The following SAMD12 variants were observed in gnomAD, a reference collection of about 807,000 sequenced individuals.
SAMD12 encodes sterile alpha motif domain-containing protein 12.
Under a neutral mutation model 15.0 loss-of-function variants are expected in SAMD12, and 9 were observed. The ratio of observed to expected loss-of-function variants is 0.60; its 90% CI spans 0.36 to 1.05. The LOEUF is 1.05. Ranked by LOEUF, SAMD12 falls within the 50% of genes least tolerant of loss-of-function variation. The pLI, the probability that SAMD12 is intolerant of heterozygous loss-of-function variation, is 0.01. For missense variants in SAMD12, 230 were observed against 234.2 expected (o/e 0.98, Z 0.12); for synonymous variants, 86 against 90.1 (o/e 0.96, Z 0.25).
chr8:118,580,754 T>C lies in SAMD12; in HGVS notation c.153A>G (p.Gly51=). ...CTTCTGCCTGCAGTCGCTTGGGAGT[T>C]CCTTTCTGGTCAGGCACCTTCTGGA... The part of the protein sequence containing the change: ...KNFQKVPDQK[G]TPKRLQAEAE... The change falls in exon 2 of 4, where the codon GGA becomes GGG. Residue 51 remains glycine, a synonymous_variant. Transcript: ENST00000314727. The C allele has an allele frequency of 6.2e-7, 1 of 1,613,348 alleles. No homozygotes were observed. The highest frequency in any genetic ancestry group is 1.7e-5 in the Admixed American group (1 of 59,960).
chr8:118,522,832 T>G (rs1301818428), intron 2 of SAMD12, among the ~76,000 whole-genome samples: 1 of 152,088 alleles, frequency 6.6e-6, no homozygotes, highest in African/African-American at 2.4e-5. Flanking sequence ...CATAAACAAA[T>G]AGCCATAAGA....
Position 118,295,964 on chromosome 8 carries a change from G to T in SAMD12, c.433+83596C>A, listed in dbSNP as rs192494580. 3.9e-5 allele frequency among the ~76,000 whole-genome samples: 6 copies of T among 152,242 alleles called. No individual in the cohort carries two copies. The East Asian group carries it at 1.2e-3, about 29-fold the overall frequency. On this transcript the variant is annotated intron_variant, in intron 4 of 4. Transcript: ENST00000409003. ...TGGTCAATTGAGCATTTTCTAAGCA[G>T]TTCACACTGGGATGGGAAGTAAGGC...
chr8:118,591,415 C>T (rs1269118145), intron 1 of SAMD12, among the ~76,000 whole-genome samples: 2 of 152,098 alleles, frequency 1.3e-5, no homozygotes, highest in Non-Finnish European at 2.9e-5. Context: ...TTTTTACACT[C>T]ACATTATTAT....
chr8:118,377,128 G>T (rs1483169416), downstream of SAMD12, among the ~76,000 whole-genome samples: 1 of 152,024 alleles, frequency 6.6e-6, no homozygotes, highest in Non-Finnish European at 1.5e-5. Context: ...GTGAAGAACC[G>T]GCTCACGCCT....
intron 3 of SAMD12, among the ~76,000 whole-genome samples, chr8:118,383,855 G>C (rs1476221851): frequency 1.3e-5 from 2 of 152,100 alleles, no homozygotes; most frequent in Non-Finnish European, 2.9e-5. Flanking sequence ...GGGGTGCTGT[G>C]ATATGGAGAT....
intron 4 of SAMD12, among the ~76,000 whole-genome samples, chr8:118,370,944 A>AAAT (rs1251320891): frequency 1.0e-5 from 1 of 95,750 alleles, no homozygotes; most frequent in Non-Finnish European, 2.2e-5. Flanking sequence ...GAACTTAAAT[A>AAAT]AAATTTTTTT....
chr8:118,461,864 A>G (rs951037225), intron 2 of SAMD12, among the ~76,000 whole-genome samples: 1 of 152,246 alleles, frequency 6.6e-6, no homozygotes, highest in African/African-American at 2.4e-5. Context: ...ATTGAAGGGC[A>G]AATTAGTGTT....
chr8:118,446,249 T>G (rs1271823019), intron 2 of SAMD12, among the ~76,000 whole-genome samples: 1 of 151,970 alleles, frequency 6.6e-6, no homozygotes, highest in Non-Finnish European at 1.5e-5. Context: ...AGAGGATTTT[T>G]TTCTCTTAAT....
intron 4 of SAMD12, among the ~76,000 whole-genome samples, chr8:118,231,956 G>C (rs1312932619): frequency 6.6e-6 from 1 of 152,028 alleles, no homozygotes; most frequent in East Asian, 1.9e-4. Context: ...CAGCTGGATT[G>C]AATGGAGAAG....
intron 4 of SAMD12, among the ~76,000 whole-genome samples, chr8:118,202,672 G>A (rs766349984): frequency 1.9e-4 from 29 of 152,142 alleles, no homozygotes; most frequent in Non-Finnish European, 5.9e-5. Flanking sequence ...GGGCTCAAGG[G>A]GGAAATAAGA....
At chr8:118,591,674 C>A (rs550302250) in intron 1 of SAMD12, among the ~76,000 whole-genome samples, 4 of 151,390 alleles carry the variant, frequency 2.6e-5, no homozygotes, top group East Asian at 1.9e-4. Flanking sequence ...AGTAGGAAGA[C>A]AAGAAGGAAA....
At chr8:118,469,330 T>A (rs1026200662) in intron 2 of SAMD12, among the ~76,000 whole-genome samples, 45 of 148,242 alleles carry the variant, frequency 3.0e-4, no homozygotes, top group African/African-American at 1.1e-3. Flanking sequence ...AATGGAGTTC[T>A]TGGAGAGTCT....
intron 4 of SAMD12, among the ~76,000 whole-genome samples, chr8:118,301,869 C>A (rs1267281486): frequency 6.6e-6 from 1 of 151,924 alleles, no homozygotes; most frequent in Non-Finnish European, 1.5e-5. Flanking sequence ...AGTCCATGAC[C>A]AGTATTTTAG....
At chr8:118,275,209 TGAG>T (rs1181428640) in intron 4 of SAMD12, among the ~76,000 whole-genome samples, 1 of 152,182 alleles carries the variant, frequency 6.6e-6, no homozygotes, top group Non-Finnish European at 1.5e-5. Context: ...TTATATTTAT[TGAG>T]ATTACACAGT....
chr8:118,397,668 C>A (rs1269801328), intron 3 of SAMD12, among the ~76,000 whole-genome samples: 1 of 152,130 alleles, frequency 6.6e-6, no homozygotes, highest in Non-Finnish European at 1.5e-5. Flanking sequence ...CATCACAATT[C>A]ATTCGAATTA....
chr8:118,185,922 T>A (rs780944765), downstream of SAMD12, among the ~76,000 whole-genome samples: 1 of 152,188 alleles, frequency 6.6e-6, no homozygotes, highest in Non-Finnish European at 1.5e-5. Context: ...ACTTCTTTCC[T>A]GAGGGTCTGC....
At position 118,359,031 on chromosome 8, in the gene SAMD12, A is replaced by G. The variant is rs1437788660; in HGVS notation, c.433+20529T>C. Among the ~76,000 whole-genome samples, 724 of 148,564 alleles carry G rather than the reference A, an allele frequency of 4.9e-3. 7 individuals carry two copies. The highest frequency in any genetic ancestry group is 0.016 in the South Asian group (78 of 4,798). ...TGTGTGTGTGTGTGTGTGTGTATAT[A>G]TATATATGTGTGTATTCTCCTTCTT... On this transcript the variant is annotated intron_variant, in intron 4 of 4. Coordinates refer to the SAMD12 transcript ENST00000409003.
chr8:118,245,389 T>C (rs1563713241), intron 4 of SAMD12, among the ~76,000 whole-genome samples: 1 of 152,088 alleles, frequency 6.6e-6, no homozygotes, highest in East Asian at 1.9e-4. Context: ...TAATATAGTC[T>C]GGATGCCGCA....
chr8:118,166,591 G>T, the SAMD12 span, among the ~76,000 whole-genome samples: 1 of 152,126 alleles, frequency 6.6e-6, no homozygotes, highest in Non-Finnish European at 1.5e-5. Context: ...AGTAAGCATG[G>T]TTATTCACCT....
Sources: gnomAD v4.1 joint callset for allele counts (sites outside exome capture counted in the v4.1 genomes callset) on GRCh38, gnomAD v4.1.1 for gene constraint, MANE v1.5 for transcripts, NCBI Gene and HGNC (gene_info 2026-07-23, HGNC 2026-07-21) for gene names.